The following EMC3 variants were observed in gnomAD, a reference collection of about 807,000 sequenced individuals.
EMC3 encodes the protein ER membrane protein complex subunit 3.
Under a neutral mutation model 36.6 loss-of-function variants are expected in EMC3, and 13 were observed. The observed-to-expected ratio is 0.35, with a 90% CI of 0.23 to 0.56. The LOEUF (loss-of-function observed/expected upper bound fraction) is 0.56. Among genes scored for constraint, EMC3 ranks in the 20% least tolerant of loss-of-function variants. The pLI, the probability that EMC3 is intolerant of heterozygous loss-of-function variation, is 0.84. For synonymous variants in EMC3, 120 were observed against 111.9 expected (o/e 1.07, Z -0.46); for missense variants, 220 against 324.5 (o/e 0.68, Z 2.47).
chr3:9,988,707 T>A (rs1461699176), upstream of EMC3: 11 of 1,508,466 alleles, frequency 7.3e-6, 2 homozygotes, highest in Admixed American at 5.2e-5. Flanking sequence ...CTCCTGTTTT[T>A]TCAGGCAATT....
chr3:10,000,287 G>T (rs745975480), intron 1 of EMC3, among the ~76,000 whole-genome samples: 2 of 151,956 alleles, frequency 1.3e-5, no homozygotes, highest in Non-Finnish European at 2.9e-5. Flanking sequence ...TGAACCACCC[G>T]CCTCGGCCTC....
upstream of EMC3, chr3:9,987,870 G>T: frequency 5.2e-6 from 4 of 762,896 alleles, no homozygotes; most frequent in South Asian, 4.0e-5. Context: ...CACTATGAAT[G>T]AGCAGAACAC....
At chr3:9,987,364 C>T (rs999103200), upstream of EMC3, 16 of 947,694 alleles carry the variant, frequency 1.7e-5, no homozygotes, top group South Asian at 4.9e-5. Flanking sequence ...CTCTGGGGCT[C>T]CGCGCCCCAA....
At chr3:9,990,853 C>G (rs773067034), upstream of EMC3, among the ~76,000 whole-genome samples, 2 of 150,188 alleles carry the variant, frequency 1.3e-5, no homozygotes, top group Admixed American at 6.7e-5. Context: ...TTTTTTGAGA[C>G]GGAGTCTCGC....
intron 1 of EMC3, among the ~76,000 whole-genome samples, chr3:10,001,960 C>G (rs936742310): frequency 6.6e-6 from 1 of 152,172 alleles, no homozygotes; most frequent in African/African-American, 2.4e-5. Context: ...GATCACGCCA[C>G]TGCACTCCAG....
At chr3:9,985,553 C>G (rs962677372) in intron 1 of EMC3, among the ~76,000 whole-genome samples, 3 of 152,170 alleles carry the variant, frequency 2.0e-5, no homozygotes, top group African/African-American at 7.2e-5. Context: ...GGCTACATGT[C>G]TAGATAACCA....
At chr3:9,989,884 G>A (rs1254202684), upstream of EMC3, among the ~76,000 whole-genome samples, 1 of 150,264 alleles carries the variant, frequency 6.7e-6, no homozygotes, top group Non-Finnish European at 1.5e-5. Context: ...AAATTTTGGT[G>A]TCCTAAGAAG....
intron 3 of EMC3, among the ~76,000 whole-genome samples, chr3:9,975,406 C>T (rs1001975368): frequency 1.3e-5 from 2 of 152,076 alleles, no homozygotes; most frequent in Non-Finnish European, 2.9e-5. Context: ...CAAGGCCCCA[C>T]CTCTTGCCAC....
chr3:9,986,923 T>C, upstream of EMC3: 5 of 1,259,622 alleles, frequency 4.0e-6, no homozygotes, highest in South Asian at 3.8e-5. Flanking sequence ...AGTGGAAAAC[T>C]ATCGGCGGTG....
At position 9,969,804 on chromosome 3, in the gene EMC3, G is replaced by A. The variant is rs1575673702; in HGVS notation, c.575-3C>T. On this transcript the variant is annotated splice_region_variant and splice_polypyrimidine_tract_variant and intron_variant, in intron 6 of 7. Coordinates refer to ENST00000245046, the MANE Select transcript of EMC3 (RefSeq NM_001394674.1). ...CATCATTCGTGATTGGTCAGCGGCT[G>A]TAGCATAAGACACACTTACATGAGT... The A allele has an allele frequency of 6.2e-7, 1 of 1,612,938 alleles. No homozygotes were observed. The highest frequency in any genetic ancestry group is 8.5e-7 in the Non-Finnish European group (1 of 1,179,920).
chr3:9,997,317 G>A (rs564680374), intron 1 of EMC3, among the ~76,000 whole-genome samples: 3 of 150,896 alleles, frequency 2.0e-5, no homozygotes, highest in Admixed American at 6.6e-5. Flanking sequence ...TGATCTACCC[G>A]CCTCGCCCTC....
intron 1 of EMC3, among the ~76,000 whole-genome samples, chr3:9,997,528 C>G (rs1009083065): frequency 3.3e-5 from 5 of 152,174 alleles, no homozygotes; most frequent in African/African-American, 1.2e-4. Flanking sequence ...GGCACGATAT[C>G]AGCTTACCGC....
chr3:9,989,708 C>A (rs1575689885), upstream of EMC3, among the ~76,000 whole-genome samples: 1 of 152,108 alleles, frequency 6.6e-6, no homozygotes, highest in East Asian at 1.9e-4. Flanking sequence ...TAGATAAACA[C>A]AAATTTAACA....
At chr3:9,967,005 G>A (rs1408215897) in intron 7 of EMC3, among the ~76,000 whole-genome samples, 1 of 152,080 alleles carries the variant, frequency 6.6e-6, no homozygotes, top group Non-Finnish European at 1.5e-5. Flanking sequence ...CATTTCCAAA[G>A]TTTTATGTCC....
chr3:9,990,713 T>C (rs2086038973), upstream of EMC3, among the ~76,000 whole-genome samples: 2 of 151,992 alleles, frequency 1.3e-5, no homozygotes, highest in South Asian at 4.2e-4. Flanking sequence ...TTTCACCATA[T>C]TGGCCAGGCT....
chr3:9,979,207 G>A (rs2085883413), intron 1 of EMC3, among the ~76,000 whole-genome samples: 1 of 152,192 alleles, frequency 6.6e-6, no homozygotes, highest in African/African-American at 2.4e-5. Context: ...AAAGTGTGGT[G>A]AATGCTAGTC....
chr3:9,975,543 T>C (rs1379176222), intron 3 of EMC3, among the ~76,000 whole-genome samples: 3 of 150,482 alleles, frequency 2.0e-5, no homozygotes, highest in Non-Finnish European at 4.4e-5. Flanking sequence ...CCAGGCACGG[T>C]GGCTCACACC....
chr3:9,973,562 T>G (rs1285506079), intron 5 of EMC3, 66 bp downstream of exon 5: 2 of 1,443,174 alleles, frequency 1.4e-6, no homozygotes, highest in African/African-American at 2.8e-5. Flanking sequence ...TGGGCTCAAG[T>G]GATCCTCCCG....
At chr3:9,971,200 G>A (rs1244176715) in intron 5 of EMC3, among the ~76,000 whole-genome samples, 10 of 152,128 alleles carry the variant, frequency 6.6e-5, no homozygotes, top group Admixed American at 5.2e-4. Context: ...TGGGATTACA[G>A]GCGTGAGCCA....
Sources: gnomAD v4.1 joint callset for allele counts (sites outside exome capture counted in the v4.1 genomes callset) on GRCh38, gnomAD v4.1.1 for gene constraint, MANE v1.5 for transcripts, NCBI Gene and HGNC (gene_info 2026-07-23, HGNC 2026-07-21) for gene names.